EYS: variants seen among roughly 807,000 people sequenced by gnomAD.
The protein encoded by EYS is protein eyes shut homolog.
In EYS, 250 loss-of-function variants were observed where a neutral mutation model predicts 282.1. That is an observed-to-expected ratio of 0.89 (90% confidence interval 0.80 to 0.98). EYS has a LOEUF of 0.98. Ranked by LOEUF, EYS falls within the 50% of genes least tolerant of loss-of-function variation. The pLI, the probability that EYS is intolerant of heterozygous loss-of-function variation, is 0.00. For missense variants in EYS, 4,016 were observed against 3,709.0 expected (o/e 1.08, Z -2.15); for synonymous variants, 1,355 against 1,282.9 (o/e 1.06, Z -1.20).
chr6:64,946,414 T>C (rs1482354139), intron 14 of EYS, among the ~76,000 whole-genome samples: 1 of 152,008 alleles, frequency 6.6e-6, no homozygotes, highest in Non-Finnish European at 1.5e-5. Flanking sequence ...CATGGTGTTT[T>C]TCTGAAACAG....
chr6:64,782,730 G>T (rs149711041), intron 22 of EYS, among the ~76,000 whole-genome samples: 12 of 152,226 alleles, frequency 7.9e-5, no homozygotes, highest in African/African-American at 2.9e-4. Flanking sequence ...AAATAAATGT[G>T]CCATTAAAGT....
chr6:64,559,533 C>T (rs1283820938), intron 26 of EYS, among the ~76,000 whole-genome samples: 11 of 151,878 alleles, frequency 7.2e-5, no homozygotes, highest in Admixed American at 1.3e-4. Flanking sequence ...TTTTTTGTGG[C>T]GATTGTTGAT....
Position 64,035,143 on chromosome 6 carries a change from T to G in EYS, c.6725+31195A>C, listed in dbSNP as rs987349629. 7.0e-4 allele frequency among the ~76,000 whole-genome samples: 107 copies of G among 152,220 alleles called. 1 individual carries two copies. The highest frequency in any genetic ancestry group is 2.5e-3 in the African/African-American group (104 of 41,460). On this transcript the variant is annotated intron_variant, in intron 33 of 42. Coordinates refer to ENST00000503581, the MANE Select transcript of EYS (RefSeq NM_001142800.2). ...CAGCAAAGACTTATCTGGTCCTTAGTGTCAATAGTGTCCAGTGTGATAAAC... is the reference window on the plus strand; with the variant it reads ...CAGCAAAGACTTATCTGGTCCTTAGGGTCAATAGTGTCCAGTGTGATAAAC...
intron 2 of EYS, among the ~76,000 whole-genome samples, chr6:65,604,476 G>T (rs914404026): frequency 1.3e-5 from 2 of 151,892 alleles, no homozygotes; most frequent in African/African-American, 4.8e-5. Flanking sequence ...GAAAAGTAAA[G>T]CCATGAAATA....
At position 65,338,237 on chromosome 6, in the gene EYS, G is replaced by A. The variant is rs147734525; in HGVS notation, c.1600-3091C>T. 6.2e-3 allele frequency among the ~76,000 whole-genome samples: 927 copies of A among 149,804 alleles called. 7 individuals carry two copies. The highest frequency in any genetic ancestry group is 0.01 in the Non-Finnish European group (688 of 67,370). The stretch of plus-strand genomic sequence containing the variant: ...TTCAACATGATTTCTCATCTGTTCA[G>A]GTAGTCTAGACATCTACTAGAATTT... On this transcript the variant is annotated intron_variant, in intron 10 of 42. Coordinates refer to ENST00000503581, the MANE Select transcript of EYS (RefSeq NM_001142800.2).
At chr6:64,830,639 C>A (rs11754126) in intron 19 of EYS, among the ~76,000 whole-genome samples, 23,170 of 151,792 alleles carry the variant, frequency 0.15, 2,017 homozygotes, top group East Asian at 0.44. Flanking sequence ...ACTTTGGTGA[C>A]AGAAATTGGA....
chr6:64,091,710 C>A (rs1042539908), intron 31 of EYS, among the ~76,000 whole-genome samples: 1 of 152,022 alleles, frequency 6.6e-6, no homozygotes, highest in African/African-American at 2.4e-5. Context: ...TTAATTAATT[C>A]TTAAAATATA....
intron 12 of EYS, among the ~76,000 whole-genome samples, chr6:65,211,166 G>T (rs1177005966): frequency 6.6e-6 from 1 of 152,040 alleles, no homozygotes; most frequent in Admixed American, 6.6e-5. Flanking sequence ...GAGAATAGGA[G>T]AAGTATTGGA....
chr6:64,456,962 T>C (rs1775577137), intron 26 of EYS, among the ~76,000 whole-genome samples: 1 of 152,028 alleles, frequency 6.6e-6, no homozygotes, highest in East Asian at 1.9e-4. Context: ...CTGAAAAGTG[T>C]GTAAAGCCAA....
intron 13 of EYS, among the ~76,000 whole-genome samples, chr6:65,040,557 C>A (rs1772903390): frequency 6.6e-6 from 1 of 151,594 alleles, no homozygotes; most frequent in African/African-American, 2.4e-5. Context: ...GATATGACCT[C>A]ACTGAGGGTT....
At chr6:65,032,634 C>T (rs1281723425) in intron 13 of EYS, among the ~76,000 whole-genome samples, 1 of 152,072 alleles carries the variant, frequency 6.6e-6, no homozygotes, top group South Asian at 2.1e-4. Context: ...CACCATACTT[C>T]CTGTAAAGCC....
intron 14 of EYS, among the ~76,000 whole-genome samples, chr6:64,969,667 GATA>G (rs1179126223): frequency 6.6e-6 from 1 of 152,108 alleles, no homozygotes; most frequent in Non-Finnish European, 1.5e-5. Flanking sequence ...TGCATTCCAA[GATA>G]ATAACATGAA....
intron 13 of EYS, among the ~76,000 whole-genome samples, chr6:65,013,406 T>C (rs552619300): frequency 6.6e-6 from 1 of 151,832 alleles, no homozygotes; most frequent in East Asian, 1.9e-4. Context: ...ACGCGGGAGG[T>C]GGGGGGCAGG....
intron 14 of EYS, among the ~76,000 whole-genome samples, chr6:64,993,294 A>G (rs962158005): frequency 6.6e-6 from 1 of 151,852 alleles, no homozygotes; most frequent in Non-Finnish European, 1.5e-5. Flanking sequence ...ATACGTGTGC[A>G]TGTGTCTTTA....
intron 22 of EYS, among the ~76,000 whole-genome samples, chr6:64,776,789 T>G (rs1357851783): frequency 1.3e-5 from 2 of 152,132 alleles, no homozygotes; most frequent in Non-Finnish European, 2.9e-5. Flanking sequence ...AGTTGACACT[T>G]GCTGAAAATT....
At chr6:64,935,139 T>G (rs941844875) in intron 15 of EYS, among the ~76,000 whole-genome samples, 5 of 151,778 alleles carry the variant, frequency 3.3e-5, no homozygotes, top group African/African-American at 4.8e-5. Flanking sequence ...AAAAATTTTC[T>G]AAATAATACA....
chr6:64,264,679 G>A (rs182807033), intron 30 of EYS, among the ~76,000 whole-genome samples: 20 of 152,240 alleles, frequency 1.3e-4, no homozygotes, highest in Middle Eastern at 3.4e-3. Flanking sequence ...GGAGGCTGAA[G>A]CAGGTATATC....
At chr6:64,621,688 G>A (rs560462817) in intron 23 of EYS, among the ~76,000 whole-genome samples, 11 of 152,180 alleles carry the variant, frequency 7.2e-5, no homozygotes, top group Admixed American at 2.0e-4. Flanking sequence ...CTTGCCCCAA[G>A]GATAGTGCAG....
At chr6:64,711,682 T>A (rs959508877) in intron 22 of EYS, among the ~76,000 whole-genome samples, 4 of 152,200 alleles carry the variant, frequency 2.6e-5, no homozygotes, top group African/African-American at 4.8e-5. Flanking sequence ...TGAGAAAGAT[T>A]TTCAGATACA....
Sources: allele counts gnomAD v4.1 joint callset (sites outside exome capture counted in the v4.1 genomes callset), GRCh38; gene constraint gnomAD v4.1.1; transcripts MANE v1.5; gene names NCBI Gene and HGNC (gene_info 2026-07-23, HGNC 2026-07-21).